CEP170: variants seen among roughly 807,000 people sequenced by gnomAD.
The protein encoded by CEP170 is centrosomal protein 170.
Under a neutral mutation model 151.9 loss-of-function variants are expected in CEP170, and 21 were observed. That is an observed-to-expected ratio of 0.14 (90% CI 0.10 to 0.20). CEP170 has a LOEUF of 0.20. Ranked by LOEUF, CEP170 falls within the 10% of genes least tolerant of loss-of-function variation. The pLI is 1.00. For synonymous variants in CEP170, 356 were observed against 648.8 expected, an observed-to-expected ratio of 0.55 and a Z score of 6.86; for missense variants, 964 against 1,892.9, an observed-to-expected ratio of 0.51 and a Z score of 9.11.
intron 16 of CEP170, among the ~76,000 whole-genome samples, chr1:243,136,712 G>GT (rs1206560553): frequency 4.6e-5 from 7 of 152,344 alleles, no homozygotes; most frequent in Admixed American, 4.6e-4. Context: ...ACGCAAAATA[G>GT]TAAGTTTTTA....
At chr1:243,129,987 CTT>C (rs2054202106) in intron 17 of CEP170, among the ~76,000 whole-genome samples, 1 of 151,956 alleles carries the variant, frequency 6.6e-6, no homozygotes, top group African/African-American at 2.4e-5. Flanking sequence ...ATAAATTAAA[CTT>C]TATCATAGGC....
chr1:243,142,423 C>T lies in CEP170; in HGVS notation c.3952G>A (p.Asp1318Asn). The T allele has an allele frequency of 1.3e-6, 2 of 1,569,760 alleles. No homozygotes were observed. The highest frequency in any genetic ancestry group is 1.7e-6 in the Non-Finnish European group (2 of 1,157,776). ...DLALIAREIN[D>N]VAGEIDSVTS... ...ACTGAATCTATCTCTCCTGCTACAT[C>T]GTTGATCTCCCGAGCAATGAGAGCA... is the stretch of plus-strand genomic sequence containing the variant. Residue 1318 changes from aspartate (D) to asparagine (N), a missense_variant, in exon 15 of 20, where the codon GAT (aspartate) becomes AAT (asparagine). Asp to Asn is a conservative substitution (Grantham distance 23). Transcript: ENST00000366542.
chr1:243,229,066 G>A (rs1249918311), intron 1 of CEP170, among the ~76,000 whole-genome samples: 1 of 152,156 alleles, frequency 6.6e-6, no homozygotes, highest in East Asian at 1.9e-4. Flanking sequence ...CTTTCCGACT[G>A]GTCCCTCAGT....
chr1:243,231,373 T>G (rs548136374), intron 1 of CEP170, among the ~76,000 whole-genome samples: 1 of 151,842 alleles, frequency 6.6e-6, no homozygotes, highest in East Asian at 1.9e-4. Context: ...GTGAAAAAAA[T>G]TTTTAAAACC....
chr1:243,219,583 A>G (rs1019780159), intron 3 of CEP170, among the ~76,000 whole-genome samples: 1 of 152,260 alleles, frequency 6.6e-6, no homozygotes, highest in Non-Finnish European at 1.5e-5. Context: ...ATATTTGAGC[A>G]TAGGCTTTTA....
At chr1:243,197,917 G>T (rs2060768031) in intron 7 of CEP170, among the ~76,000 whole-genome samples, 1 of 152,156 alleles carries the variant, frequency 6.6e-6, no homozygotes, top group African/African-American at 2.4e-5. Flanking sequence ...TATTTGCAAA[G>T]TTGACAAGTT....
Position 243,125,391 on chromosome 1 carries a change from C to T in CEP170, c.*1058G>A, listed in dbSNP as rs1313778539. ...TTTACTATTGAGTCCTACAGGGAAA[C>T]ACACAGAAGCAATTCATTGCTTGGG... On this transcript the variant is annotated 3_prime_UTR_variant, in exon 20 of 20. Coordinates refer to ENST00000366542, the MANE Select transcript of CEP170 (RefSeq NM_014812.3). The T allele has an allele frequency of 6.6e-6, 1 of 152,632 alleles. No individual in the cohort carries two copies. Among genetic ancestry groups the T allele is most frequent in the East Asian group, 1.9e-4 (1 of 5,198 alleles). 9.5% of individuals were successfully genotyped at this position (152,632 alleles called of 1,614,324 possible).
In CEP170 at chr1:243,235,068, C is replaced by T. The variant is rs566239587; in HGVS notation, c.-41-9747G>A. 1.3e-4 allele frequency among the ~76,000 whole-genome samples: 20 copies of T among 152,222 alleles called. No homozygotes were observed. In the South Asian group the frequency reaches 4.2e-3, roughly 32 times the overall value. On this transcript the variant is annotated intron_variant, in intron 1 of 19. Transcript: ENST00000366542. ...CTATAAAATAAAACCCAGTTTGTTTCTTCATTCACAAGTAGTAAGCACTAT... is the reference window on the plus strand; with the variant it reads ...CTATAAAATAAAACCCAGTTTGTTTTTTCATTCACAAGTAGTAAGCACTAT...
At chr1:243,216,562 T>G (rs2148948192) in intron 3 of CEP170, among the ~76,000 whole-genome samples, 2 of 152,314 alleles carry the variant, frequency 1.3e-5, no homozygotes, top group East Asian at 3.9e-4. Flanking sequence ...AGTAAAATAC[T>G]TAAAGGGATT....
At chr1:243,194,037 A>G (rs2060480703) in intron 7 of CEP170, among the ~76,000 whole-genome samples, 1 of 152,042 alleles carries the variant, frequency 6.6e-6, no homozygotes, top group Non-Finnish European at 1.5e-5. Flanking sequence ...AGATATGACA[A>G]TGCCTATCCT....
intron 17 of CEP170, among the ~76,000 whole-genome samples, chr1:243,131,696 T>G (rs1329441048): frequency 6.6e-6 from 1 of 152,086 alleles, no homozygotes; most frequent in Non-Finnish European, 1.5e-5. Flanking sequence ...GAACTTGTTT[T>G]TGTTTGAAGG....
chr1:243,225,804 G>A (rs1248557171), intron 1 of CEP170, among the ~76,000 whole-genome samples: 3 of 151,884 alleles, frequency 2.0e-5, no homozygotes, highest in African/African-American at 7.3e-5. Context: ...TGTCTATCAG[G>A]TGTAAACCAC....
chr1:243,168,100 C>A (rs1253610701), intron 12 of CEP170, among the ~76,000 whole-genome samples: 1 of 151,948 alleles, frequency 6.6e-6, no homozygotes, highest in African/African-American at 2.4e-5. Context: ...ATCTAGCCTT[C>A]TGTCTGGTTT....
chr1:243,213,110 CTTT>C (rs901796850), intron 3 of CEP170, among the ~76,000 whole-genome samples: 1 of 149,430 alleles, frequency 6.7e-6, no homozygotes, highest in African/African-American at 2.5e-5. Context: ...ATTTCATATT[CTTT>C]TTTTTTTCTT....
intron 3 of CEP170, among the ~76,000 whole-genome samples, chr1:243,215,585 T>A (rs1036283567): frequency 1.3e-5 from 2 of 152,206 alleles, no homozygotes; most frequent in Non-Finnish European, 2.9e-5. Context: ...TAATAAATTT[T>A]GGTCAGACTG....
chr1:243,168,502 G>A (rs1284591085), intron 12 of CEP170: 1 of 151,854 alleles, frequency 6.6e-6, no homozygotes, highest in Non-Finnish European at 1.5e-5. Flanking sequence ...TGTATAAAAT[G>A]TTGACCATAA....
At chr1:243,140,179 T>C (rs1376435218) in intron 15 of CEP170, 72 bp from the exon 16 acceptor site, 4 of 1,550,716 alleles carry the variant, frequency 2.6e-6, no homozygotes, top group Admixed American at 1.8e-5. Context: ...CATTACAATT[T>C]TTATGATTAG....
chr1:243,223,044 C>T (rs1217765489), intron 2 of CEP170, among the ~76,000 whole-genome samples: 1 of 152,192 alleles, frequency 6.6e-6, no homozygotes, highest in African/African-American at 2.4e-5. Flanking sequence ...TAATGAAATA[C>T]TAAATTCAGT....
intron 4 of CEP170, among the ~76,000 whole-genome samples, chr1:243,205,438 G>A (rs1024541568): frequency 5.3e-5 from 8 of 152,154 alleles, no homozygotes; most frequent in South Asian, 2.1e-4. Flanking sequence ...ACTCTGCAGC[G>A]GTAGAGCAAA....
Sources: allele counts gnomAD v4.1 joint callset (sites outside exome capture counted in the v4.1 genomes callset), GRCh38; gene constraint gnomAD v4.1.1; transcripts MANE v1.5; gene names NCBI Gene and HGNC (gene_info 2026-07-23, HGNC 2026-07-21).